The following NECTIN3 variants were observed in gnomAD, a reference collection of about 807,000 sequenced individuals.
NECTIN3 encodes the protein nectin-3.
In NECTIN3, 8 loss-of-function variants were observed where a neutral mutation model predicts 49.4. The ratio of observed to expected loss-of-function variants is 0.16; its 90% CI spans 0.10 to 0.29. NECTIN3 has a LOEUF of 0.29. Ranked by LOEUF, NECTIN3 falls within the 10% of genes least tolerant of loss-of-function variation. NECTIN3 has a pLI of 1.00. For synonymous variants in NECTIN3, 277 were observed against 241.1 expected (o/e 1.15, Z -1.38); for missense variants, 581 against 654.6 (o/e 0.89, Z 1.23).
chr3:111,083,081 G>A (rs988809070), intron 1 of NECTIN3, among the ~76,000 whole-genome samples: 2 of 152,134 alleles, frequency 1.3e-5, no homozygotes, highest in African/African-American at 4.8e-5. Flanking sequence ...GAATACAGAT[G>A]AAGCTTCACT....
intron 2 of NECTIN3, among the ~76,000 whole-genome samples, chr3:111,112,935 C>G (rs980317961): frequency 1.3e-5 from 2 of 152,118 alleles, no homozygotes; most frequent in Admixed American, 1.3e-4. Flanking sequence ...CTTTAAGCTA[C>G]TTTCAGTGAA....
rs955255107 is a variant in NECTIN3, at chr3:111,100,638, T to A, written c.161-11392T>A. On this transcript the variant is annotated intron_variant, in intron 1 of 5. Transcript: ENST00000485303. ...AACCTGTAATATAATTTTTGTGATA[T>A]TTTTGGGAATACATTTTATTAGGAT... 2.6e-5 allele frequency among the ~76,000 whole-genome samples: 4 copies of A among 152,216 alleles called. No individual in the cohort carries two copies. The East Asian group carries it at 7.7e-4, about 29-fold the overall frequency.
intron 1 of NECTIN3, among the ~76,000 whole-genome samples, chr3:111,107,172 T>C (rs545578226): frequency 2.5e-4 from 38 of 152,262 alleles, no homozygotes; most frequent in African/African-American, 8.2e-4. Context: ...CATTTTCTTT[T>C]CTGTCACAAG....
rs1043654136 is a variant in NECTIN3, at chr3:111,112,678, C to T, written c.502+307C>T. ...TTCTGTGACATCTTTATTTTCATTA[C>T]CTCCCCTCAAATTTTCAGCCTTTAA... On this transcript the variant is annotated intron_variant, in intron 2 of 5. Coordinates refer to ENST00000485303, the MANE Select transcript of NECTIN3 (RefSeq NM_015480.3). 5.9e-5 allele frequency among the ~76,000 whole-genome samples: 9 copies of T among 151,814 alleles called. No homozygotes were observed. The South Asian group carries it at 1.9e-3, about 32-fold the overall frequency.
At chr3:111,157,785 CT>C (rs916067451) in intron 7 of NECTIN3, among the ~76,000 whole-genome samples, 1 of 151,928 alleles carries the variant, frequency 6.6e-6, no homozygotes, top group Non-Finnish European at 1.5e-5. Context: ...ATCTTGACTC[CT>C]TTTTTTCCCC....
intron 1 of NECTIN3, chr3:111,074,391 TAAGCTTTAAAA>T (rs1278524063): frequency 2.9e-6 from 1 of 348,992 alleles, no homozygotes; most frequent in African/African-American, 2.1e-5. Flanking sequence ...AAAAGATTTT[TAAGCTTTAAAA>T]ATATGACTGT....
At chr3:111,153,707 A>G (rs922585462) in intron 7 of NECTIN3, among the ~76,000 whole-genome samples, 1 of 152,122 alleles carries the variant, frequency 6.6e-6, no homozygotes, top group Non-Finnish European at 1.5e-5. Flanking sequence ...AACTTAGCAT[A>G]TATTTCTTTT....
At chr3:111,072,801 C>A in intron 1 of NECTIN3, 1 of 478,768 alleles carries the variant, frequency 2.1e-6, no homozygotes, top group South Asian at 2.4e-5. Context: ...GTCTCTCACA[C>A]TGCCCGTGCT....
Position 111,136,859 on chromosome 3 carries a change from AT to A in NECTIN3, c.*2646del. On this transcript the variant is annotated 3_prime_UTR_variant, in exon 6 of 6. Coordinates refer to ENST00000485303, the MANE Select transcript of NECTIN3 (RefSeq NM_015480.3). ...TTTCTGCCATTTTTTATTAAAATACATTGAAACTAAAGTAGGCTCGGGGTTA... is the reference window on the plus strand; with the variant it reads ...TTTCTGCCATTTTTTATTAAAATACATGAAACTAAAGTAGGCTCGGGGTTA... 2 of 962,258 alleles carry A rather than the reference AT, an allele frequency of 2.1e-6. No homozygotes were observed. Among genetic ancestry groups the A allele is most frequent in the Non-Finnish European group, 2.5e-6 (2 of 809,034 alleles). The allele number at this position is 962,258 out of a possible 1,614,324, so 59.6% of individuals were successfully genotyped here. A position where few individuals can be genotyped will look rare whatever the true frequency, so the allele number is the denominator to read the frequency against.
At chr3:111,072,330 C>T (rs1239637173) in intron 1 of NECTIN3, 153 bp downstream of exon 1, 1 of 1,432,788 alleles carries the variant, frequency 7.0e-7, no homozygotes, top group Non-Finnish European at 9.1e-7. Context: ...TTTCGCCGCG[C>T]CCGGGGCGAG....
rs979652714 is a variant in NECTIN3, at chr3:111,180,472, G to A, written c.1222-11879G>A. 3.3e-5 allele frequency among the ~76,000 whole-genome samples: 5 copies of A among 152,308 alleles called. No homozygotes were observed. The East Asian group carries it at 5.8e-4, about 18-fold the overall frequency. ...CGTTGTTGTAAATTTTGCCTGATTA[G>A]TGTACAATCTTTATAGTTGCTGATC... is the stretch of plus-strand genomic sequence containing the variant. On this transcript the variant is annotated intron_variant, in intron 7 of 8. Transcript: ENST00000493615.
At chr3:111,145,209 A>T (rs747952148) in intron 6 of NECTIN3, among the ~76,000 whole-genome samples, 1 of 152,176 alleles carries the variant, frequency 6.6e-6, no homozygotes, top group African/African-American at 2.4e-5. Context: ...ATCTTGCTAA[A>T]TGAACATTTT....
chr3:111,108,749 C>T (rs1559782839), intron 1 of NECTIN3, among the ~76,000 whole-genome samples: 1 of 151,984 alleles, frequency 6.6e-6, no homozygotes, highest in African/African-American at 2.4e-5. Flanking sequence ...CGGGGAAGTG[C>T]GAGCCTCTTT....
chr3:111,083,993 A>T (rs1433475033), intron 1 of NECTIN3, among the ~76,000 whole-genome samples: 1 of 152,240 alleles, frequency 6.6e-6, no homozygotes, highest in African/African-American at 2.4e-5. Flanking sequence ...TTTAATTTAT[A>T]TGATGAGACT....
intron 1 of NECTIN3, among the ~76,000 whole-genome samples, chr3:111,089,366 C>T (rs1365011461): frequency 6.6e-6 from 1 of 150,872 alleles, no homozygotes. Flanking sequence ...TTTTCTCATT[C>T]TTCAGATGGA....
intron 1 of NECTIN3, among the ~76,000 whole-genome samples, chr3:111,111,714 TC>T (rs1268135475): frequency 6.6e-6 from 1 of 152,178 alleles, no homozygotes; most frequent in Non-Finnish European, 1.5e-5. Context: ...GGATTGTACT[TC>T]CAAGTCAACT....
In NECTIN3 at chr3:111,072,026, G is replaced by T. The variant is rs762019296; in HGVS notation, c.9G>T (p.Arg3=). Residue 3 remains arginine (R), a synonymous_variant, in exon 1 of 6, where the codon CGG becomes CGT. Transcript: ENST00000485303. ...CGGGGGGAGGGTGGGGGATGGCGCGGACCCTGCGGCCGTCCCCGCTGTGTC... is the reference window on the plus strand; with the variant it reads ...CGGGGGGAGGGTGGGGGATGGCGCGTACCCTGCGGCCGTCCCCGCTGTGTC... MA[R]TLRPSPLCPG... is the part of the protein sequence containing the mutation. 1.7e-5 allele frequency: 26 copies of T among 1,526,154 alleles called. No individual in the cohort carries two copies. In the Admixed American group the frequency reaches 2.0e-4, roughly 12 times the overall value. 94.5% of individuals were successfully genotyped at this position (1,526,154 alleles called of 1,614,324 possible).
At chr3:111,139,218 C>T (rs769192862), downstream of NECTIN3, among the ~76,000 whole-genome samples, 1 of 151,470 alleles carries the variant, frequency 6.6e-6, no homozygotes, top group African/African-American at 2.4e-5. Flanking sequence ...ATAATAATTC[C>T]CTAACATTCT....
chr3:111,112,670 T>A (rs1292976383), intron 2 of NECTIN3, among the ~76,000 whole-genome samples: 1 of 152,118 alleles, frequency 6.6e-6, no homozygotes, highest in African/African-American at 2.4e-5. Flanking sequence ...ACATCTTTAT[T>A]TTCATTACCT....
Sources: allele counts gnomAD v4.1 joint callset (sites outside exome capture counted in the v4.1 genomes callset), GRCh38; gene constraint gnomAD v4.1.1; transcripts MANE v1.5; gene names NCBI Gene and HGNC (gene_info 2026-07-23, HGNC 2026-07-21).